The following ADAMTS2 variants were observed in gnomAD, a reference collection of about 807,000 sequenced individuals.
ADAMTS2 encodes the protein ADAM metallopeptidase with thrombospondin type 1 motif 2.
A neutral mutation model predicts 123.0 loss-of-function variants in ADAMTS2; 50 were observed. The observed-to-expected ratio is 0.41, with a 90% CI of 0.32 to 0.51. The LOEUF is 0.51. Among genes scored for constraint, ADAMTS2 ranks in the 20% least tolerant of loss-of-function variants. The pLI, the probability that ADAMTS2 is intolerant of heterozygous loss-of-function variation, is 0.35. For missense variants in ADAMTS2, 1,494 were observed against 1,705.2 expected (o/e 0.88, Z 2.18); for synonymous variants, 678 against 695.4 (o/e 0.98, Z 0.39).
At position 179,236,900 on chromosome 5, in the gene ADAMTS2, C is replaced by T. The variant is rs188367107; in HGVS notation, c.689-29185G>A. Among the ~76,000 whole-genome samples the T allele has an allele frequency of 3.3e-5, 5 of 152,156 alleles. No homozygotes were observed. In the East Asian group the frequency reaches 9.7e-4, roughly 29 times the overall value. On this transcript the variant is annotated intron_variant, in intron 3 of 21. Coordinates refer to ENST00000251582, the MANE Select transcript of ADAMTS2 (RefSeq NM_014244.5). ...GAGGGATGATTTTAGGAGGTGGGGC[C>T]TTTGGGGGGTAATTAGGTCATGAGG...
chr5:179,164,371 G>T (rs993688752), intron 5 of ADAMTS2, among the ~76,000 whole-genome samples: 2 of 152,210 alleles, frequency 1.3e-5, no homozygotes, highest in Admixed American at 1.3e-4. Context: ...AAGGAGTGGG[G>T]ATAGAAGGGG....
chr5:179,298,487 C>T (rs552184528), intron 2 of ADAMTS2, among the ~76,000 whole-genome samples: 24 of 152,294 alleles, frequency 1.6e-4, no homozygotes, highest in South Asian at 8.3e-4. Flanking sequence ...AACCCACTGG[C>T]GCCCCGATCT....
At chr5:179,254,472 C>T (rs115947124) in intron 3 of ADAMTS2, among the ~76,000 whole-genome samples, 4,288 of 152,244 alleles carry the variant, frequency 0.028, 210 homozygotes, top group African/African-American at 0.096. Flanking sequence ...GATGGCTGCA[C>T]AACACTGCCA....
At position 179,270,869 on chromosome 5, in the gene ADAMTS2, A is replaced by G. The variant is rs534606274; in HGVS notation, c.688+2042T>C. Among the ~76,000 whole-genome samples, 205 of 152,274 alleles carry G rather than the reference A, an allele frequency of 1.3e-3. 2 individuals are homozygous for G. The Middle Eastern group carries it at 0.014, about 10-fold the overall frequency. On this transcript the variant is annotated intron_variant, in intron 3 of 21. Coordinates refer to ENST00000251582, the MANE Select transcript of ADAMTS2 (RefSeq NM_014244.5). ...CAGACAGGAACATCAAGCAAAGGGG[A>G]CTTGGCCCCAGCCCCAAGTTCTGGG...
chr5:179,217,877 A>AG (rs376851096), intron 3 of ADAMTS2, among the ~76,000 whole-genome samples: 1 of 86,358 alleles, frequency 1.2e-5, no homozygotes, highest in African/African-American at 4.6e-5. Context: ...CTGAGGGCAG[A>AG]CGGCACACTC....
At chr5:179,245,627 G>A (rs970717237) in intron 3 of ADAMTS2, among the ~76,000 whole-genome samples, 16 of 149,864 alleles carry the variant, frequency 1.1e-4, no homozygotes, top group African/African-American at 3.0e-4. Flanking sequence ...TTAGCCGGGC[G>A]TGGTAGCGGG....
intron 4 of ADAMTS2, among the ~76,000 whole-genome samples, chr5:179,184,245 G>C (rs1264815119): frequency 6.6e-6 from 1 of 152,128 alleles, no homozygotes; most frequent in Non-Finnish European, 1.5e-5. Context: ...AGGCGCAGTG[G>C]CTCACGCCTG....
At chr5:179,330,817 C>T (rs192947886) in intron 2 of ADAMTS2, among the ~76,000 whole-genome samples, 27 of 146,236 alleles carry the variant, frequency 1.8e-4, no homozygotes, top group African/African-American at 7.5e-4. Flanking sequence ...CCAAGCCGCC[C>T]TATCTGAGGT....
In ADAMTS2 at chr5:179,175,836, T is replaced by G. The variant is rs561400127; in HGVS notation, c.975+5236A>C. Among the ~76,000 whole-genome samples, 1 of 152,308 alleles carries G rather than the reference T, an allele frequency of 6.6e-6. No individual in the cohort carries two copies. Among genetic ancestry groups the G allele is most frequent in the South Asian group, 2.1e-4 (1 of 4,818 alleles). ...TAGTTTATGGGTCTTTTTTGTTTGT[T>G]TGTTTCCAAGACTATCTCCAGGGCA... On this transcript the variant is annotated intron_variant, in intron 5 of 21. Transcript: ENST00000251582. This position sits in a 1 kb window ranked among gnomAD's most constrained non-coding sequence, Gnocchi z 4.1.
intron 3 of ADAMTS2, among the ~76,000 whole-genome samples, chr5:179,245,538 A>G (rs11743568): frequency 0.36 from 54,404 of 150,656 alleles, 10,549 homozygotes; most frequent in African/African-American, 0.48. Flanking sequence ...AGGCCGAGGC[A>G]GGCGGATCAC....
intron 10 of ADAMTS2, among the ~76,000 whole-genome samples, chr5:179,141,171 CAA>C (rs1372511858): frequency 1.3e-5 from 2 of 152,236 alleles, no homozygotes; most frequent in African/African-American, 4.8e-5. Flanking sequence ...ACTGTTTCCA[CAA>C]AGAGAACAGA....
At chr5:179,116,341 T>G (rs1010822836) in intron 21 of ADAMTS2, among the ~76,000 whole-genome samples, 1 of 141,696 alleles carries the variant, frequency 7.1e-6, no homozygotes, top group Non-Finnish European at 1.5e-5. Flanking sequence ...TTAGACTCCT[T>G]GCTCTGCATG....
In ADAMTS2 at chr5:179,181,053, C is replaced by G. The variant is rs1426729857; in HGVS notation, c.975+19G>C. On this transcript the variant is annotated intron_variant, in intron 5 of 21. Coordinates refer to ENST00000251582, the MANE Select transcript of ADAMTS2 (RefSeq NM_014244.5). The surrounding 1 kb of genome is among the most constrained non-coding windows in gnomAD (Gnocchi z 4.1). Reference sequence around the variant, plus strand: ...TCCGAGGGGGTGGAGGCAGGCCCGGCTGGCCACAGTGCACTCACCTTTCCA... The same window carrying G: ...TCCGAGGGGGTGGAGGCAGGCCCGGGTGGCCACAGTGCACTCACCTTTCCA... The G allele has an allele frequency of 1.9e-6, 3 of 1,606,964 alleles. No homozygotes were observed. The highest frequency in any genetic ancestry group is 2.7e-5 in the African/African-American group (2 of 74,772).
chr5:179,343,053 C>T (rs1757826606), intron 2 of ADAMTS2, among the ~76,000 whole-genome samples: 1 of 152,198 alleles, frequency 6.6e-6, no homozygotes, highest in Non-Finnish European at 1.5e-5. Flanking sequence ...CCCCTCAGCT[C>T]AAAATAGAGA....
chr5:179,255,647 G>T (rs1387420767), intron 3 of ADAMTS2, among the ~76,000 whole-genome samples: 1 of 151,958 alleles, frequency 6.6e-6, no homozygotes, highest in Non-Finnish European at 1.5e-5. Context: ...TCAGAATGGG[G>T]TCAGCAAAGC....
At position 179,323,256 on chromosome 5, in the gene ADAMTS2, G is replaced by A. The variant is rs544902927; in HGVS notation, c.534+20511C>T. On this transcript the variant is annotated intron_variant, in intron 2 of 21. Coordinates refer to ENST00000251582, the MANE Select transcript of ADAMTS2 (RefSeq NM_014244.5). ...GCTGCCTTCCCTTCTAAATAGCTGC[G>A]AAGGGAAATGGCCTGGCAGAAGGAA... Among the ~76,000 whole-genome samples the A allele has an allele frequency of 1.8e-4, 27 of 152,372 alleles. 3 individuals are homozygous for A. In the South Asian group the frequency reaches 5.6e-3, roughly 32 times the overall value.
At chr5:179,230,252 G>A (rs559377090) in intron 3 of ADAMTS2, among the ~76,000 whole-genome samples, 23 of 152,302 alleles carry the variant, frequency 1.5e-4, no homozygotes, top group African/African-American at 7.2e-5. Context: ...GAGGGGATGC[G>A]CAGAGGCAGA....
At chr5:179,137,969 C>A (rs1233309769) in intron 11 of ADAMTS2, 25 bp from the exon 12 acceptor site, 1 of 1,540,098 alleles carries the variant, frequency 6.5e-7, no homozygotes, top group South Asian at 1.2e-5. Flanking sequence ...AAAGGCCTTG[C>A]CGCTCCGTGC....
chr5:179,137,783 TG>T lies in ADAMTS2; in HGVS notation c.1936del (p.His646ThrfsTer25). The T allele has an allele frequency of 6.8e-7, 1 of 1,471,724 alleles. No individual in the cohort carries two copies. The allele number at this position is 1,471,724 out of a possible 1,614,324, so 91.2% of individuals were successfully genotyped here. ...GAAGGGCTCACCATCCCGGTGCTCGTGGGGCAGCCAGTGGTGCTGGGCGTCG... is the reference window on the plus strand; with the variant it reads ...GAAGGGCTCACCATCCCGGTGCTCGTGGGCAGCCAGTGGTGCTGGGCGTCG... ...HGDAQHHWLP[H>X]EHRDAKERCH... On this transcript the variant is annotated frameshift_variant, in exon 12 of 22. Transcript: ENST00000251582. LOFTEE classifies it high-confidence loss of function.
Sources: gnomAD v4.1 joint callset for allele counts (sites outside exome capture counted in the v4.1 genomes callset) on GRCh38, gnomAD v4.1.1 for gene constraint, Gnocchi (gnomAD v3.1) non-coding constraint, MANE v1.5 for transcripts, NCBI Gene and HGNC (gene_info 2026-07-23, HGNC 2026-07-21) for gene names.